Variants in IQGAP2 observed in about 807,000 individuals in gnomAD.
IQGAP2 encodes the protein IQ motif containing GTPase activating protein 2.
Under a neutral mutation model 201.3 loss-of-function variants are expected in IQGAP2, and 173 were observed. The observed-to-expected ratio is 0.86, with a 90% CI of 0.76 to 0.98. The LOEUF (loss-of-function observed/expected upper bound fraction) is 0.98, where lower values mean the gene tolerates loss of function less well. Among genes scored for constraint, IQGAP2 ranks in the 50% least tolerant of loss-of-function variants. The probability of loss-of-function intolerance (pLI) is 0.00; values close to 1 mark genes in which losing one functional copy is unlikely to be tolerated. For synonymous variants in IQGAP2, 675 were observed against 673.9 expected (o/e 1.00, Z -0.03); for missense variants, 1,687 against 1,864.8 (o/e 0.90, Z 1.76).
Position 76,589,685 on chromosome 5 carries a change from A to T in IQGAP2, c.597A>T (p.Ile199=), listed in dbSNP as rs1746508770. 1 of 1,609,194 alleles carries T rather than the reference A, an allele frequency of 6.2e-7. No homozygotes were observed. Among genetic ancestry groups the T allele is most frequent in the Non-Finnish European group, 8.5e-7 (1 of 1,177,710 alleles). Residue 199 remains isoleucine, a synonymous_variant, in exon 7 of 36, where the codon ATA becomes ATT. Coordinates refer to ENST00000274364, the MANE Select transcript of IQGAP2 (RefSeq NM_006633.5). ...YGIQMPSFSK[I]GGILANELSV... is the part of the protein sequence containing the mutation. Reference sequence around the variant, plus strand: ...TACAGATGCCATCTTTCAGCAAAATAGGTGGTATTCTGGCCAATGAACTGT... The same window carrying T: ...TACAGATGCCATCTTTCAGCAAAATTGGTGGTATTCTGGCCAATGAACTGT...
At chr5:76,501,466 C>T (rs900298317) in intron 2 of IQGAP2, among the ~76,000 whole-genome samples, 4 of 151,810 alleles carry the variant, frequency 2.6e-5, no homozygotes, top group Admixed American at 6.6e-5. Flanking sequence ...TTTTGAGAAT[C>T]GGAACAGTAT....
At chr5:76,636,102 AC>A (rs1751106056) in intron 15 of IQGAP2, among the ~76,000 whole-genome samples, 1 of 152,144 alleles carries the variant, frequency 6.6e-6, no homozygotes, top group South Asian at 2.1e-4. Context: ...CCTTAAAGTT[AC>A]CCCTGCTTAG....
intron 2 of IQGAP2, among the ~76,000 whole-genome samples, chr5:76,501,511 G>A (rs537149614): frequency 5.9e-5 from 9 of 152,160 alleles, no homozygotes; most frequent in African/African-American, 2.2e-4. Context: ...AGTCTATAGT[G>A]TTGGGTTGTC....
chr5:76,607,242 A>C (rs556336032), intron 12 of IQGAP2: 1 of 152,324 alleles, frequency 6.6e-6, no homozygotes, highest in East Asian at 1.9e-4. Context: ...TCTTGAAATA[A>C]AACATATGAC....
intron 17 of IQGAP2, among the ~76,000 whole-genome samples, chr5:76,649,073 A>G (rs1043960100): frequency 3.3e-5 from 5 of 152,270 alleles, no homozygotes; most frequent in South Asian, 2.1e-4. Context: ...AAAGAAATTC[A>G]CACAAAGACA....
At chr5:76,704,524 T>C (rs1374908403) in intron 35 of IQGAP2, among the ~76,000 whole-genome samples, 1 of 152,252 alleles carries the variant, frequency 6.6e-6, no homozygotes, top group African/African-American at 2.4e-5. Context: ...TGTTAATCCT[T>C]AGCTATATGC....
At chr5:76,584,209 A>G (rs540503550) in intron 5 of IQGAP2, among the ~76,000 whole-genome samples, 41 of 152,276 alleles carry the variant, frequency 2.7e-4, no homozygotes, top group African/African-American at 9.6e-4. Flanking sequence ...TTCCATAAAT[A>G]GTAATTAAAT....
intron 13 of IQGAP2, among the ~76,000 whole-genome samples, chr5:76,625,692 G>A (rs765115193): frequency 5.9e-5 from 9 of 152,246 alleles, no homozygotes; most frequent in South Asian, 2.1e-4. Flanking sequence ...ATTATCTCAC[G>A]TTAACCTCTG....
At chr5:76,662,760 G>A (rs1353873842) in intron 21 of IQGAP2, among the ~76,000 whole-genome samples, 1 of 152,184 alleles carries the variant, frequency 6.6e-6, no homozygotes, top group Non-Finnish European at 1.5e-5. Context: ...CTATCTGGTG[G>A]TAACTGCACT....
chr5:76,641,671 G>A (rs1451500108), intron 17 of IQGAP2, among the ~76,000 whole-genome samples: 1 of 152,132 alleles, frequency 6.6e-6, no homozygotes, highest in Non-Finnish European at 1.5e-5. Context: ...AGGAGAATTT[G>A]CCAGGTTTAG....
chr5:76,589,797 A>G, intron 7 of IQGAP2, 69 bp downstream of exon 7: 1 of 733,086 alleles, frequency 1.4e-6, no homozygotes, highest in South Asian at 2.4e-5. Context: ...ATTGATTTTG[A>G]TTACTCGAAA....
At chr5:76,652,865 T>C (rs559795364) in intron 18 of IQGAP2, 32 bp downstream of exon 18, 3 of 1,332,554 alleles carry the variant, frequency 2.3e-6, no homozygotes, top group African/African-American at 2.9e-5. Flanking sequence ...ACCAAGTGCT[T>C]GGCTTAAACG....
chr5:76,451,271 T>C (rs758554471), intron 1 of IQGAP2, among the ~76,000 whole-genome samples: 4 of 152,150 alleles, frequency 2.6e-5, no homozygotes, highest in Non-Finnish European at 4.4e-5. Flanking sequence ...ACCGTGCTCC[T>C]CTTCCTCTTG....
intron 2 of IQGAP2, among the ~76,000 whole-genome samples, chr5:76,471,456 A>G (rs1203669558): frequency 6.6e-6 from 1 of 151,602 alleles, no homozygotes; most frequent in Non-Finnish European, 1.5e-5. Flanking sequence ...AAGCCAAGCC[A>G]TTGGCTATAT....
chr5:76,497,203 A>C (rs982824208), intron 2 of IQGAP2, among the ~76,000 whole-genome samples: 1 of 152,214 alleles, frequency 6.6e-6, no homozygotes, highest in Admixed American at 6.5e-5. Flanking sequence ...TTGGAAAGCA[A>C]GATAAAGGCA....
At chr5:76,618,202 T>A in intron 13 of IQGAP2, 1 of 1,614,148 alleles carries the variant, frequency 6.2e-7, no homozygotes, top group Middle Eastern at 1.6e-4. Context: ...ATGACTGTGG[T>A]GGCCCGGCAC....
At chr5:76,628,387 G>T (rs972420513) in intron 14 of IQGAP2, among the ~76,000 whole-genome samples, 2 of 152,124 alleles carry the variant, frequency 1.3e-5, no homozygotes, top group African/African-American at 4.8e-5. Flanking sequence ...TCTTTCTGTG[G>T]TTACTTCCCC....
intron 5 of IQGAP2, among the ~76,000 whole-genome samples, chr5:76,585,226 C>G (rs970034543): frequency 1.3e-5 from 2 of 152,092 alleles, no homozygotes; most frequent in Admixed American, 1.3e-4. Context: ...ATTAAAACTT[C>G]AGCAGGATAT....
At chr5:76,429,741 A>C (rs1328221783) in intron 1 of IQGAP2, among the ~76,000 whole-genome samples, 1 of 151,354 alleles carries the variant, frequency 6.6e-6, no homozygotes, top group Non-Finnish European at 1.5e-5. Flanking sequence ...AATTAGAAGA[A>C]CATCAATCTA....
Sources: gnomAD v4.1 joint callset for allele counts (sites outside exome capture counted in the v4.1 genomes callset) on GRCh38, gnomAD v4.1.1 for gene constraint, MANE v1.5 for transcripts, NCBI Gene and HGNC (gene_info 2026-07-23, HGNC 2026-07-21) for gene names.